Variants in DRAM2 observed in about 807,000 individuals in gnomAD.
DRAM2 encodes DNA damage regulated autophagy modulator 2, also known as DNA damage-regulated autophagy modulator protein 2.
DRAM2 carries 26 observed loss-of-function variants against 33.5 expected under a neutral mutation model. That is an observed-to-expected ratio of 0.78 (90% CI 0.57 to 1.08). The LOEUF (loss-of-function observed/expected upper bound fraction) is 1.08, where lower values mean the gene tolerates loss of function less well. Ranked by LOEUF, DRAM2 falls within the 50% of genes least tolerant of loss-of-function variation. The pLI, the probability that DRAM2 is intolerant of heterozygous loss-of-function variation, is 0.00. For synonymous variants in DRAM2, 98 were observed against 109.5 expected (o/e 0.89, Z 0.66); for missense variants, 311 against 318.1 (o/e 0.98, Z 0.17).
chr1:111,122,527 G>A (rs1368634162), intron 6 of DRAM2: 1 of 152,076 alleles, frequency 6.6e-6, no homozygotes, highest in Non-Finnish European at 1.5e-5. Context: ...TTATAGACCT[G>A]GTTTTGTAAA....
chr1:111,121,916 C>A (rs1040629782), intron 6 of DRAM2, among the ~76,000 whole-genome samples: 1 of 151,914 alleles, frequency 6.6e-6, no homozygotes, highest in African/African-American at 2.4e-5. Flanking sequence ...AAATTTACAA[C>A]CATGGATATA....
chr1:111,131,597 A>G (rs1652096793), intron 3 of DRAM2, 29 bp from the exon 4 acceptor site: 1 of 1,610,632 alleles, frequency 6.2e-7, no homozygotes, highest in Non-Finnish European at 8.5e-7. Context: ...ATTAGAAAAG[A>G]TAATTCACAA....
Position 111,118,173 on chromosome 1 carries a change from GA to G in DRAM2, c.787del (p.Ser263ProfsTer32). 2 of 1,611,966 alleles carry G rather than the reference GA, an allele frequency of 1.2e-6. No individual in the cohort carries two copies. The highest frequency in any genetic ancestry group is 8.5e-7 in the Non-Finnish European group (1 of 1,178,318). On this transcript the variant is annotated frameshift_variant, in exon 10 of 10. Coordinates refer to ENST00000484310, the MANE Select transcript of DRAM2 (RefSeq NM_001349884.2). LOFTEE classifies it high-confidence loss of function. The stretch of plus-strand genomic sequence containing the variant: ...TTTATCCTTTCATCAAATATCTCTG[GA>G]AAGTAGCCGTGTTCGTTCATTGTTA... ...PINNERTRLL[S>X]RDI
chr1:111,135,477 T>A (rs1317488498), intron 3 of DRAM2, among the ~76,000 whole-genome samples: 1 of 152,230 alleles, frequency 6.6e-6, no homozygotes, highest in African/African-American at 2.4e-5. Context: ...CCTGGAGATT[T>A]CCCTGTCTTT....
intron 9 of DRAM2, 166 bp downstream of exon 9, chr1:111,118,639 G>T (rs1649383679): frequency 3.6e-6 from 2 of 551,538 alleles, no homozygotes; most frequent in Non-Finnish European, 6.4e-6. Flanking sequence ...TTTAAACACA[G>T]AAACAATTCA....
intron 4 of DRAM2, among the ~76,000 whole-genome samples, chr1:111,127,556 C>T (rs1651256757): frequency 6.6e-6 from 1 of 151,800 alleles, no homozygotes; most frequent in South Asian, 2.1e-4. Flanking sequence ...CTTTTACATA[C>T]AAAAGATTTT....
intron 6 of DRAM2, among the ~76,000 whole-genome samples, chr1:111,123,763 C>T (rs1463346677): frequency 6.6e-6 from 1 of 152,038 alleles, no homozygotes; most frequent in African/African-American, 2.4e-5. Flanking sequence ...AATGAGTTCT[C>T]ACTCTATTCA....
chr1:111,122,774 G>A (rs915441290), intron 6 of DRAM2: 4 of 151,962 alleles, frequency 2.6e-5, no homozygotes, highest in Non-Finnish European at 4.4e-5. Context: ...CAATAAAGCC[G>A]TCAGTGAAAG....
chr1:111,129,336 T>C (rs1464142982), intron 4 of DRAM2, among the ~76,000 whole-genome samples: 2 of 152,194 alleles, frequency 1.3e-5, no homozygotes, highest in Non-Finnish European at 2.9e-5. Context: ...AAGCATCATA[T>C]AGAGGCTGAA....
At chr1:111,130,572 C>T (rs967806678) in intron 4 of DRAM2, among the ~76,000 whole-genome samples, 2 of 151,124 alleles carry the variant, frequency 1.3e-5, no homozygotes, top group South Asian at 2.1e-4. Context: ...TGGTGGTGTG[C>T]GCCTGTAATT....
intron 3 of DRAM2, among the ~76,000 whole-genome samples, chr1:111,136,926 A>G (rs1389622418): frequency 1.3e-5 from 2 of 151,924 alleles, no homozygotes; most frequent in Non-Finnish European, 2.9e-5. Flanking sequence ...GTGAGCTGAG[A>G]TCGTGCCACT....
At chr1:111,138,375 G>A (rs1321659150) in intron 2 of DRAM2, among the ~76,000 whole-genome samples, 1 of 152,238 alleles carries the variant, frequency 6.6e-6, no homozygotes, top group Admixed American at 6.5e-5. Flanking sequence ...AAGCATTGCT[G>A]AGTAATTGCC....
In DRAM2 at chr1:111,131,474, G is replaced by A. The variant is rs1557897718; in HGVS notation, c.81C>T (p.Tyr27=). The change falls in exon 4 of 10, where the codon TAC becomes TAT. Residue 27 remains tyrosine (Y), a synonymous_variant. Transcript: ENST00000484310. ...IWTSAAFIFS[Y]ITAVTLHHID... is the part of the protein sequence containing the mutation. ...TATGGTGGAGTGTTACTGCAGTAAT[G>A]TATGAAAATATGAAAGCAGCAGATG... 3 of 1,614,090 alleles carry A rather than the reference G, an allele frequency of 1.9e-6. No individual in the cohort carries two copies. The highest frequency in any genetic ancestry group is 1.1e-5 in the South Asian group (1 of 91,084).
chr1:111,118,571 GA>G (rs1649372469), intron 9 of DRAM2: 1 of 468,294 alleles, frequency 2.1e-6, no homozygotes, highest in East Asian at 3.5e-5. Context: ...AAGAATTTCT[GA>G]AATTTATTTT....
At position 111,118,735 on chromosome 1, in the gene DRAM2, C is replaced by T. The variant is rs142583704; in HGVS notation, c.693+70G>A. On this transcript the variant is annotated intron_variant, in intron 9 of 9. Transcript: ENST00000484310. ...GCGGGAGAGTTGCCTATGGAAAGTT[C>T]TCTTAGTCTACCTTCCTGGACTAAG... The T allele has an allele frequency of 6.6e-3, 8,057 of 1,217,628 alleles. 35 individuals are homozygous for T. The highest frequency in any genetic ancestry group is 8.0e-3 in the Non-Finnish European group (6,975 of 872,814). The allele number at this position is 1,217,628 out of a possible 1,614,324, so 75.4% of individuals were successfully genotyped here.
intron 3 of DRAM2, among the ~76,000 whole-genome samples, chr1:111,137,203 G>A (rs1319174305): frequency 2.8e-5 from 4 of 143,950 alleles, no homozygotes; most frequent in Non-Finnish European, 6.0e-5. Context: ...GCAGTGAGCC[G>A]AGATCGCGCC....
chr1:111,131,597 ATAATTCACAAGAGT>A, intron 3 of DRAM2, 29 bp from the exon 4 acceptor site: 1 of 1,610,632 alleles, frequency 6.2e-7, no homozygotes, highest in South Asian at 1.1e-5. Flanking sequence ...ATTAGAAAAG[ATAATTCACAAGAGT>A]TTCCTCATCC....
chr1:111,130,845 A>C (rs1038144951), intron 4 of DRAM2, among the ~76,000 whole-genome samples: 72 of 151,972 alleles, frequency 4.7e-4, no homozygotes, highest in African/African-American at 1.5e-3. Flanking sequence ...AAATGCAAAA[A>C]AAAAAAAAGA....
At chr1:111,120,293 T>C (rs1421283366) in intron 7 of DRAM2, among the ~76,000 whole-genome samples, 2 of 148,522 alleles carry the variant, frequency 1.3e-5, no homozygotes, top group Admixed American at 6.9e-5. Context: ...TTTTTGTTCC[T>C]AGCTCAATTA....
Sources: gnomAD v4.1 joint callset for allele counts (sites outside exome capture counted in the v4.1 genomes callset) on GRCh38, gnomAD v4.1.1 for gene constraint, MANE v1.5 for transcripts, NCBI Gene and HGNC (gene_info 2026-07-23, HGNC 2026-07-21) for gene names.